TANC2: variants seen among roughly 807,000 people sequenced by gnomAD.
The protein encoded by TANC2 is tetratricopeptide repeat, ankyrin repeat and coiled-coil containing 2.
TANC2 carries 26 observed loss-of-function variants against 210.5 expected under a neutral mutation model. The ratio of observed to expected loss-of-function variants is 0.12; its 90% confidence interval spans 0.09 to 0.17. The LOEUF (loss-of-function observed/expected upper bound fraction) is 0.17, where lower values mean the gene tolerates loss of function less well. TANC2 is among the 10% of genes least tolerant of loss of function. The pLI is 1.00. For missense variants in TANC2, 2,129 were observed against 2,608.9 expected (o/e 0.82, Z 4.01); for synonymous variants, 931 against 967.1 (o/e 0.96, Z 0.69).
At chr17:63,374,043 T>G (rs1025323818) in intron 14 of TANC2, among the ~76,000 whole-genome samples, 1 of 145,192 alleles carries the variant, frequency 6.9e-6, no homozygotes, top group Non-Finnish European at 1.5e-5. Context: ...TTTTTTTTTT[T>G]TTTTTTTTTT....
chr17:63,112,429 C>G (rs1313988079), intron 4 of TANC2, among the ~76,000 whole-genome samples: 1 of 152,146 alleles, frequency 6.6e-6, no homozygotes, highest in Non-Finnish European at 1.5e-5. Flanking sequence ...AAATGTCTAA[C>G]ATTGAGGTCA....
intron 20 of TANC2, 54 bp downstream of exon 20, chr17:63,405,309 G>T: frequency 6.8e-7 from 1 of 1,475,684 alleles, no homozygotes; most frequent in South Asian, 1.3e-5. Flanking sequence ...TCTAGGTGAG[G>T]ACTTCTGATG....
intron 26 of TANC2, among the ~76,000 whole-genome samples, chr17:63,417,531 G>A (rs2048901671): frequency 6.6e-6 from 1 of 151,890 alleles, no homozygotes. Context: ...GTCTTCTCTT[G>A]TTTTGTTTTA....
chr17:63,055,947 G>A, intron 2 of TANC2, among the ~76,000 whole-genome samples: 1 of 109,926 alleles, frequency 9.1e-6, no homozygotes, highest in Non-Finnish European at 1.8e-5. Flanking sequence ...GTACAACGTA[G>A]TGAGACCTCA....
intron 21 of TANC2, among the ~76,000 whole-genome samples, chr17:63,410,733 TGCCTTTAATCCCA>T (rs2048669166): frequency 6.6e-6 from 1 of 151,620 alleles, no homozygotes; most frequent in Non-Finnish European, 1.5e-5. Context: ...TGGTGGTGCA[TGCCTTTAATCCCA>T]GCTACTTAGG....
chr17:63,076,403 G>GA (rs536704664), intron 3 of TANC2, among the ~76,000 whole-genome samples: 127 of 150,220 alleles, frequency 8.5e-4, no homozygotes, highest in Non-Finnish European at 6.7e-4. Context: ...CAGGAGGTTG[G>GA]AAAAAAAAAG....
chr17:63,332,278 C>T (rs1461121733), intron 11 of TANC2: 1 of 332,038 alleles, frequency 3.0e-6, no homozygotes, highest in Non-Finnish European at 5.9e-6. Flanking sequence ...CCTTCCACCT[C>T]TCTTCTGTTT....
At chr17:63,038,918 G>A (rs1353660646) in intron 2 of TANC2, among the ~76,000 whole-genome samples, 1 of 152,062 alleles carries the variant, frequency 6.6e-6, no homozygotes, top group Non-Finnish European at 1.5e-5. Flanking sequence ...TAATTCTAGT[G>A]GATAAGAGTG....
At chr17:63,153,926 AT>A (rs776597991) in intron 5 of TANC2, 2 of 152,142 alleles carry the variant, frequency 1.3e-5, no homozygotes, top group Non-Finnish European at 2.9e-5. Context: ...AACCAAACCA[AT>A]TCACTGATGG....
chr17:63,039,045 C>A (rs556923750), intron 2 of TANC2, among the ~76,000 whole-genome samples: 2 of 152,166 alleles, frequency 1.3e-5, no homozygotes, highest in South Asian at 4.1e-4. Flanking sequence ...AGATAAGTTC[C>A]ATATTTCCTC....
intron 5 of TANC2, among the ~76,000 whole-genome samples, chr17:63,164,165 C>T (rs541978195): frequency 5.1e-5 from 7 of 138,586 alleles, no homozygotes; most frequent in East Asian, 4.2e-4. Context: ...GACAGTATCT[C>T]GCTTTGTTGG....
chr17:63,207,096 G>A (rs1425743835), intron 7 of TANC2, among the ~76,000 whole-genome samples: 1 of 149,488 alleles, frequency 6.7e-6, no homozygotes, highest in Non-Finnish European at 1.5e-5. Context: ...TATCATTCCA[G>A]TACTTTCTTT....
chr17:63,058,028 T>C (rs1444392031), intron 2 of TANC2, among the ~76,000 whole-genome samples: 1 of 152,218 alleles, frequency 6.6e-6, no homozygotes, highest in Admixed American at 6.5e-5. Context: ...CCACAATAAG[T>C]GAACTGAATA....
At chr17:63,254,748 C>T (rs965609378) in intron 8 of TANC2, among the ~76,000 whole-genome samples, 1 of 152,064 alleles carries the variant, frequency 6.6e-6, no homozygotes, top group Non-Finnish European at 1.5e-5. Context: ...TATTTTTGTC[C>T]TTCATTCTAT....
chr17:63,266,474 A>G (rs1298695045), intron 8 of TANC2, among the ~76,000 whole-genome samples: 1 of 152,146 alleles, frequency 6.6e-6, no homozygotes, highest in Admixed American at 6.6e-5. Flanking sequence ...TTGGAGATGT[A>G]AGTTTACTTA....
intron 6 of TANC2, among the ~76,000 whole-genome samples, chr17:63,195,640 C>T (rs755352958): frequency 6.6e-6 from 1 of 152,128 alleles, no homozygotes; most frequent in Non-Finnish European, 1.5e-5. Context: ...TTACTAGGTG[C>T]ACAGTAGGTA....
chr17:63,426,731 G>A (rs1396961769), exon 28 of TANC2: 1 of 152,248 alleles, frequency 6.6e-6, no homozygotes, highest in African/African-American at 2.4e-5. Context: ...GCCGCTGGAC[G>A]CGTAGAGATC....
intron 9 of TANC2, among the ~76,000 whole-genome samples, chr17:63,289,569 CTT>C (rs2044323888): frequency 6.6e-6 from 1 of 152,154 alleles, no homozygotes; most frequent in South Asian, 2.1e-4. Context: ...ATTTCCATCT[CTT>C]TGCTTACATT....
intron 15 of TANC2, 126 bp downstream of exon 15, chr17:63,379,952 C>T (rs1236605997): frequency 2.8e-6 from 2 of 720,672 alleles, no homozygotes. Flanking sequence ...TGGTTCATCT[C>T]CCAACACGTA....
Sources: allele counts gnomAD v4.1 joint callset (sites outside exome capture counted in the v4.1 genomes callset), GRCh38; gene constraint gnomAD v4.1.1; transcripts MANE v1.5; gene names NCBI Gene and HGNC (gene_info 2026-07-23, HGNC 2026-07-21).